The following RNF19B variants were observed in gnomAD, a reference collection of about 807,000 sequenced individuals.
RNF19B encodes ring finger protein 19B.
A neutral mutation model predicts 65.5 loss-of-function variants in RNF19B; 23 were observed. That is an observed-to-expected ratio of 0.35 (90% CI 0.25 to 0.50). The LOEUF is 0.50. RNF19B is among the 20% of genes least tolerant of loss of function. RNF19B has a pLI of 0.98. For synonymous variants in RNF19B, 372 were observed against 379.6 expected (o/e 0.98, Z 0.23); for missense variants, 794 against 980.0 (o/e 0.81, Z 2.53).
intron 1 of RNF19B, 105 bp from the exon 2 acceptor site, chr1:32,949,879 A>G (rs1642451029): frequency 1.3e-6 from 1 of 786,522 alleles, no homozygotes; most frequent in Non-Finnish European, 2.1e-6. Flanking sequence ...CCACTATCAC[A>G]TATGATACAG....
downstream of RNF19B, among the ~76,000 whole-genome samples, chr1:32,931,454 A>G (rs1428002149): frequency 6.6e-6 from 1 of 152,180 alleles, no homozygotes; most frequent in African/African-American, 2.4e-5. Context: ...AGCCATATCT[A>G]TAAGGGGAAG....
chr1:32,964,575 G>A lies in RNF19B; in HGVS notation c.111C>T (p.Ser37=), dbSNP rs1642861436. Residue 37 remains serine, a synonymous_variant, in exon 1 of 9, where the codon AGC becomes AGT. Transcript: ENST00000235150. This position sits in a 1 kb window ranked among gnomAD's most constrained non-coding sequence, Gnocchi z 6.5. ...GGCCGCGGGCCGAGGCAGAGAAGAC[G>A]CTGTGCAAGGTGAGGCGCCGGCGCC... ...GGRRRRLTLH[S]VFSASARGRR... 3.5e-6 allele frequency: 5 copies of A among 1,417,868 alleles called. No individual in the cohort carries two copies. The South Asian group carries it at 4.0e-5, about 11-fold the overall frequency. The allele number at this position is 1,417,868 out of a possible 1,614,324, so 87.8% of individuals were successfully genotyped here. A position where few individuals can be genotyped will look rare whatever the true frequency, so the allele number is the denominator to read the frequency against.
Position 32,949,792 on chromosome 1 carries a change from A to C in RNF19B, c.636-18T>G, listed in dbSNP as rs367583697. The C allele has an allele frequency of 5.0e-6, 8 of 1,588,098 alleles. No individual in the cohort carries two copies. The African/African-American group carries it at 1.1e-4, about 23-fold the overall frequency. ...CAGCATAACTAGGTAAGGAAACAGT[A>C]AGAGATACCAGTAAGGTAAGAATGA... On this transcript the variant is annotated intron_variant, in intron 1 of 8. Transcript: ENST00000235150.
At position 32,937,244 on chromosome 1, in the gene RNF19B, CAT is replaced by C. The variant is rs780205603; in HGVS notation, c.1756_1757del (p.Met586GlyfsTer7). On this transcript the variant is annotated frameshift_variant, in exon 9 of 9. Coordinates refer to ENST00000235150, the MANE Select transcript of RNF19B (RefSeq NM_001300826.2). LOFTEE classifies it high-confidence loss of function. Reference protein sequence around the residue: ...YNPQDRECNNMEIQVDIEAKP... With the variant: ...YNPQDRECNNXEIQVDIEAKP... ...TGGCTTCAATGTCCACTTGGATTTC[CAT>C]ATTGTTGCATTCTCTGTGGAGACAA... 1 of 1,613,968 alleles carries C rather than the reference CAT, an allele frequency of 6.2e-7. No homozygotes were observed. Among genetic ancestry groups the C allele is most frequent in the Non-Finnish European group, 8.5e-7 (1 of 1,180,016 alleles).
chr1:32,964,232 G>A lies in RNF19B; in HGVS notation c.454C>T (p.Leu152=), dbSNP rs1393879197. Residue 152 remains leucine (L), a synonymous_variant, in exon 1 of 9, where the codon CTG becomes TTG. Transcript: ENST00000235150. The surrounding 1 kb of genome is among the most constrained non-coding windows in gnomAD (Gnocchi z 6.5). ...GGCACCCTGCTCTCGCTTATCTCCA[G>A]GCGCAGGTAGTGGCGGAGGCAGTCC... ...CRDCLRHYLR[L]EISESRVPIS... 2.6e-6 allele frequency: 4 copies of A among 1,545,998 alleles called. No individual in the cohort carries two copies. In the African/African-American group the frequency reaches 4.2e-5, roughly 16 times the overall value.
chr1:32,952,606 G>A (rs375574521), intron 1 of RNF19B, among the ~76,000 whole-genome samples: 35 of 152,044 alleles, frequency 2.3e-4, no homozygotes, highest in African/African-American at 7.7e-4. Context: ...GCTGGGCATG[G>A]TGGCGGGCGC....
intron 8 of RNF19B, 56 bp from the exon 9 acceptor site, chr1:32,937,315 G>A (rs1472261981): frequency 3.1e-6 from 5 of 1,608,802 alleles, no homozygotes; most frequent in Non-Finnish European, 3.4e-6. Flanking sequence ...TAAACCTGTT[G>A]GTAAAAGCAG....
chr1:32,932,892 G>T (rs1207312571), downstream of RNF19B, among the ~76,000 whole-genome samples: 1 of 150,488 alleles, frequency 6.6e-6, no homozygotes, highest in Non-Finnish European at 1.5e-5. Flanking sequence ...CTACCAAAGG[G>T]CCTTTGTAGT....
chr1:32,931,752 T>A (rs762592989), downstream of RNF19B, among the ~76,000 whole-genome samples: 171 of 152,346 alleles, frequency 1.1e-3, no homozygotes, highest in Non-Finnish European at 1.7e-3. Context: ...CTTTTTGTCT[T>A]TTTCCTTTAA....
Position 32,938,384 on chromosome 1 carries a change from A to G in RNF19B, c.1742+13T>C. ...AAATGCAACCTCTCCTGGACATCTG[A>G]CTGTTCACATACCTGTCCTGTGGGT... On this transcript the variant is annotated intron_variant, in intron 8 of 8. Transcript: ENST00000235150. 1.2e-6 allele frequency: 2 copies of G among 1,614,018 alleles called. No individual in the cohort carries two copies. Among genetic ancestry groups the G allele is most frequent in the Non-Finnish European group, 1.7e-6 (2 of 1,179,954 alleles).
downstream of RNF19B, among the ~76,000 whole-genome samples, chr1:32,935,283 A>T (rs1481988417): frequency 1.3e-5 from 2 of 151,742 alleles, no homozygotes; most frequent in African/African-American, 4.8e-5. Context: ...AATTACAGAC[A>T]CATGCCACCA....
intron 1 of RNF19B, among the ~76,000 whole-genome samples, chr1:32,954,496 T>C (rs1003635020): frequency 6.6e-6 from 1 of 151,694 alleles, no homozygotes; most frequent in Non-Finnish European, 1.5e-5. Flanking sequence ...CCCAGCACTC[T>C]GGGAGGCCGA....
intron 1 of RNF19B, among the ~76,000 whole-genome samples, chr1:32,955,368 T>C (rs923662396): frequency 2.6e-5 from 4 of 151,920 alleles, no homozygotes; most frequent in Admixed American, 6.6e-5. Flanking sequence ...TAAAATTTCA[T>C]ATAAACCCAC....
At chr1:32,951,031 G>A (rs911821703) in intron 1 of RNF19B, among the ~76,000 whole-genome samples, 4 of 151,592 alleles carry the variant, frequency 2.6e-5, no homozygotes, top group Non-Finnish European at 4.4e-5. Flanking sequence ...TAGAGATAGG[G>A]TTTCACCATG....
intron 1 of RNF19B, among the ~76,000 whole-genome samples, chr1:32,960,149 T>C (rs1324006435): frequency 6.6e-6 from 1 of 152,128 alleles, no homozygotes; most frequent in African/African-American, 2.4e-5. Context: ...AGAAGAAAAA[T>C]CCAAAACTCT....
intron 3 of RNF19B, among the ~76,000 whole-genome samples, chr1:32,947,466 C>A (rs1642392256): frequency 6.6e-6 from 1 of 152,152 alleles, no homozygotes; most frequent in African/African-American, 2.4e-5. Context: ...CGAGACCAGG[C>A]TGGCTAACAT....
chr1:32,946,893 T>C (rs1437787793), intron 3 of RNF19B, among the ~76,000 whole-genome samples: 1 of 152,242 alleles, frequency 6.6e-6, no homozygotes, highest in Non-Finnish European at 1.5e-5. Flanking sequence ...CATAGCCTTA[T>C]GCACTTGACA....
At chr1:32,950,756 C>T (rs558887118) in intron 1 of RNF19B, among the ~76,000 whole-genome samples, 1 of 151,892 alleles carries the variant, frequency 6.6e-6, no homozygotes, top group South Asian at 2.1e-4. Flanking sequence ...AGGCTGGTCG[C>T]AAACTTCCGG....
chr1:32,929,431 A>G, the RNF19B span, among the ~76,000 whole-genome samples: 1 of 152,190 alleles, frequency 6.6e-6, no homozygotes, highest in African/African-American at 2.4e-5. Flanking sequence ...AAGGGACACA[A>G]TTCGACCCAT....
Sources: gnomAD v4.1 joint callset for allele counts (sites outside exome capture counted in the v4.1 genomes callset) on GRCh38, gnomAD v4.1.1 for gene constraint, Gnocchi (gnomAD v3.1) non-coding constraint, MANE v1.5 for transcripts, NCBI Gene and HGNC (gene_info 2026-07-23, HGNC 2026-07-21) for gene names.